FSHR: variants seen among roughly 807,000 people sequenced by gnomAD.
FSHR encodes the protein follicle stimulating hormone receptor, also known as follicle-stimulating hormone receptor.
In FSHR, 46 loss-of-function variants were observed where a neutral mutation model predicts 52.1. The ratio of observed to expected loss-of-function variants is 0.88; its 90% CI spans 0.70 to 1.13. The LOEUF (loss-of-function observed/expected upper bound fraction) is 1.13. Among genes scored for constraint, FSHR ranks in the 50% most tolerant of loss-of-function variants. FSHR has a pLI of 0.00. For missense variants in FSHR, 964 were observed against 834.6 expected (o/e 1.16, Z -1.91); for synonymous variants, 399 against 309.6 (o/e 1.29, Z -3.03).
At chr2:48,987,584 C>T (rs1411001908) in intron 6 of FSHR, among the ~76,000 whole-genome samples, 1 of 152,052 alleles carries the variant, frequency 6.6e-6, no homozygotes. Context: ...ACGCCCTTTG[C>T]CAATTCCCTA....
chr2:49,027,323 A>C (rs1200326366), intron 2 of FSHR, among the ~76,000 whole-genome samples: 1 of 152,196 alleles, frequency 6.6e-6, no homozygotes, highest in East Asian at 1.9e-4. Flanking sequence ...TCTGTTTTCA[A>C]ATGAATAAAG....
chr2:48,967,301 G>A (rs1172287446), intron 9 of FSHR, among the ~76,000 whole-genome samples: 1 of 152,042 alleles, frequency 6.6e-6, no homozygotes, highest in Non-Finnish European at 1.5e-5. Context: ...GTCCCACCAT[G>A]TTACCCAGGC....
At chr2:49,027,828 T>A (rs1201914196) in intron 2 of FSHR, among the ~76,000 whole-genome samples, 1 of 126,754 alleles carries the variant, frequency 7.9e-6, no homozygotes, top group Non-Finnish European at 1.5e-5. Context: ...CCAGCCTGGA[T>A]GACAGAGTGA....
chr2:49,030,625 G>A (rs1035427330), intron 2 of FSHR, among the ~76,000 whole-genome samples: 6 of 152,110 alleles, frequency 3.9e-5, no homozygotes, highest in Non-Finnish European at 8.8e-5. Context: ...CACACTGATG[G>A]TCTTATTTTA....
intron 1 of FSHR, among the ~76,000 whole-genome samples, chr2:49,109,851 A>G (rs747876931): frequency 6.6e-6 from 1 of 152,176 alleles, no homozygotes; most frequent in African/African-American, 2.4e-5. Context: ...ATCCTTCTGT[A>G]AAAAAGGGTA....
intron 2 of FSHR, among the ~76,000 whole-genome samples, chr2:49,064,062 TTG>T (rs61681324): frequency 7.9e-4 from 118 of 148,586 alleles, no homozygotes; most frequent in East Asian, 1.8e-3. Flanking sequence ...CATGAAGAGT[TTG>T]TGTGTGTGTG....
At chr2:49,068,526 A>G (rs1489330178) in intron 1 of FSHR, among the ~76,000 whole-genome samples, 2 of 152,000 alleles carry the variant, frequency 1.3e-5, no homozygotes, top group African/African-American at 2.4e-5. Flanking sequence ...AAATTTACCC[A>G]GGGTCACATG....
chr2:49,008,860 T>G (rs1399538778), intron 4 of FSHR, among the ~76,000 whole-genome samples: 9 of 150,696 alleles, frequency 6.0e-5, no homozygotes, highest in African/African-American at 2.2e-4. Context: ...CTTCGCCCAC[T>G]TTTTGATGGG....
intron 2 of FSHR, among the ~76,000 whole-genome samples, chr2:49,050,710 A>G (rs1321230577): frequency 6.6e-6 from 1 of 152,168 alleles, no homozygotes; most frequent in Non-Finnish European, 1.5e-5. Context: ...TATTTAAAAC[A>G]CCTGTCCCAG....
At chr2:49,042,991 G>A (rs930786230) in intron 2 of FSHR, among the ~76,000 whole-genome samples, 1 of 152,126 alleles carries the variant, frequency 6.6e-6, no homozygotes, top group Non-Finnish European at 1.5e-5. Context: ...TATAGCACTG[G>A]AAGAAGCATA....
At chr2:48,987,913 G>C (rs1038026409) in intron 6 of FSHR, among the ~76,000 whole-genome samples, 1 of 151,334 alleles carries the variant, frequency 6.6e-6, no homozygotes, top group Non-Finnish European at 1.5e-5. Context: ...AAATGATTCA[G>C]TATCACTCAC....
At chr2:48,989,900 A>G (rs1233801789) in intron 5 of FSHR, among the ~76,000 whole-genome samples, 1 of 152,160 alleles carries the variant, frequency 6.6e-6, no homozygotes, top group Non-Finnish European at 1.5e-5. Context: ...CAGCTGTACA[A>G]GTAGTGTAGT....
chr2:49,153,863 A>G (rs921866171), intron 1 of FSHR, among the ~76,000 whole-genome samples: 3 of 152,162 alleles, frequency 2.0e-5, no homozygotes, highest in Non-Finnish European at 2.9e-5. Context: ...CTCGGGAGAC[A>G]TACCTTGTGT....
chr2:49,034,582 A>G (rs563219932), intron 2 of FSHR, among the ~76,000 whole-genome samples: 4 of 152,342 alleles, frequency 2.6e-5, no homozygotes, highest in African/African-American at 9.6e-5. Context: ...CATATGATCA[A>G]TGTAAAGATT....
intron 1 of FSHR, among the ~76,000 whole-genome samples, chr2:49,119,379 TG>T (rs1285605918): frequency 2.7e-5 from 4 of 150,302 alleles, no homozygotes; most frequent in African/African-American, 7.6e-5. Context: ...GGATCATCTT[TG>T]TTTTTTTTTT....
At chr2:49,064,275 C>G (rs1053776826) in intron 2 of FSHR, among the ~76,000 whole-genome samples, 10 of 152,034 alleles carry the variant, frequency 6.6e-5, no homozygotes, top group Admixed American at 6.6e-4. Flanking sequence ...CCCCAAATTT[C>G]CTGTTAAAAC....
chr2:49,098,813 CTTATATA>C (rs1410299165), intron 1 of FSHR, among the ~76,000 whole-genome samples: 3 of 144,374 alleles, frequency 2.1e-5, no homozygotes, highest in Non-Finnish European at 3.0e-5. Context: ...AATATGTATA[CTTATATA>C]TTATTATATA....
At chr2:49,151,688 C>T (rs1344609302) in intron 1 of FSHR, among the ~76,000 whole-genome samples, 1 of 152,078 alleles carries the variant, frequency 6.6e-6, no homozygotes, top group African/African-American at 2.4e-5. Flanking sequence ...TCCAATAATC[C>T]ATCCACCTAC....
In FSHR at chr2:48,982,626, G is replaced by C. The variant is rs114758837; in HGVS notation, c.668+286C>G. Among the ~76,000 whole-genome samples the C allele has an allele frequency of 2.7e-4, 41 of 152,108 alleles. 1 individual carries two copies. The highest frequency in any genetic ancestry group is 2.7e-3 in the Admixed American group (41 of 15,280). On this transcript the variant is annotated intron_variant, in intron 8 of 9. Transcript: ENST00000406846. ...ACGGGAATAATAGCTCCTACCACAG[G>C]GGGTGATTATAAGGATTAAACAAGA...
Sources: allele counts gnomAD v4.1 joint callset (sites outside exome capture counted in the v4.1 genomes callset), GRCh38; gene constraint gnomAD v4.1.1; transcripts MANE v1.5; gene names NCBI Gene and HGNC (gene_info 2026-07-23, HGNC 2026-07-21).